The following CEP83 variants were observed in gnomAD, a reference collection of about 807,000 sequenced individuals.
CEP83 encodes centrosomal protein of 83 kDa.
A neutral mutation model predicts 101.9 loss-of-function variants in CEP83; 70 were observed. That is an observed-to-expected ratio of 0.69 (90% CI 0.57 to 0.84). CEP83 has a LOEUF of 0.84. Among genes scored for constraint, CEP83 ranks in the 40% least tolerant of loss-of-function variants. CEP83 has a pLI of 0.00. For missense variants in CEP83, 715 were observed against 787.2 expected, an observed-to-expected ratio of 0.91 and a Z score of 1.10; for synonymous variants, 264 against 267.9, an observed-to-expected ratio of 0.99 and a Z score of 0.14.
chr12:94,405,573 C>CA, intron 4 of CEP83, among the ~76,000 whole-genome samples: 1 of 152,154 alleles, frequency 6.6e-6, no homozygotes, highest in East Asian at 1.9e-4. Flanking sequence ...AAAAGCCTTC[C>CA]ACTTTCAGCC....
At chr12:94,454,187 A>C (rs998620885) in intron 1 of CEP83, among the ~76,000 whole-genome samples, 3 of 152,184 alleles carry the variant, frequency 2.0e-5, no homozygotes, top group African/African-American at 7.2e-5. Flanking sequence ...AAAATGTTAT[A>C]AAGAACCATT....
chr12:94,316,140 T>C (rs910479179), intron 14 of CEP83, among the ~76,000 whole-genome samples: 6 of 152,160 alleles, frequency 3.9e-5, no homozygotes, highest in African/African-American at 1.2e-4. Context: ...CATGGTACAG[T>C]TTTCCCTTTA....
chr12:94,284,555 G>A, the CEP83 span, among the ~76,000 whole-genome samples: 12 of 152,024 alleles, frequency 7.9e-5, no homozygotes, highest in Non-Finnish European at 1.6e-4. Flanking sequence ...TTGCAATGGC[G>A]ATTTCAGTAT....
At chr12:94,289,452 G>C in the CEP83 span, among the ~76,000 whole-genome samples, 307 of 152,314 alleles carry the variant, frequency 2.0e-3, 1 homozygote, top group African/African-American at 6.6e-3. Flanking sequence ...CTGGGCTGGA[G>C]AAACAATCCT....
intron 9 of CEP83, chr12:94,368,886 T>C (rs1051419513): frequency 6.6e-6 from 1 of 152,168 alleles, no homozygotes; most frequent in African/African-American, 2.4e-5. Flanking sequence ...CCAGACACGG[T>C]GTTAGCACCT....
intron 2 of CEP83, among the ~76,000 whole-genome samples, chr12:94,412,966 C>A (rs571969804): frequency 7.2e-5 from 11 of 152,242 alleles, no homozygotes; most frequent in African/African-American, 1.2e-4. Context: ...CATTCTCCTG[C>A]CTCAGCCTCC....
intron 11 of CEP83, among the ~76,000 whole-genome samples, chr12:94,366,971 T>C (rs1338038635): frequency 6.6e-6 from 1 of 151,944 alleles, no homozygotes; most frequent in African/African-American, 2.4e-5. Flanking sequence ...TTATAATCTA[T>C]AGAAAAAATA....
chr12:94,433,947 A>G (rs994477107), intron 2 of CEP83: 12 of 152,228 alleles, frequency 7.9e-5, no homozygotes, highest in African/African-American at 2.9e-4. Flanking sequence ...GACCTTTGGC[A>G]AATGAATCTT....
chr12:94,418,987 T>C (rs920231949), intron 2 of CEP83, among the ~76,000 whole-genome samples: 4 of 152,142 alleles, frequency 2.6e-5, no homozygotes, highest in African/African-American at 9.6e-5. Context: ...AAGTCCATTA[T>C]TGCTACTTTT....
chr12:94,356,232 G>C (rs1005317029), intron 11 of CEP83, among the ~76,000 whole-genome samples: 4 of 152,202 alleles, frequency 2.6e-5, no homozygotes, highest in Non-Finnish European at 4.4e-5. Context: ...CAATGGGATA[G>C]GTATGGGGTC....
chr12:94,345,426 G>A (rs905198836), intron 11 of CEP83, among the ~76,000 whole-genome samples: 4 of 151,858 alleles, frequency 2.6e-5, no homozygotes, highest in African/African-American at 4.8e-5. Context: ...TTTATGGCTC[G>A]GGAGGCAGCT....
At chr12:94,392,181 A>C (rs2062588160) in intron 6 of CEP83, among the ~76,000 whole-genome samples, 2 of 152,216 alleles carry the variant, frequency 1.3e-5, no homozygotes. Flanking sequence ...CATCAACAGA[A>C]CATACATTCT....
chr12:94,294,603 C>T, the CEP83 span: 16 of 724,760 alleles, frequency 2.2e-5, no homozygotes, highest in African/African-American at 2.7e-4. Context: ...TTGCTTTTTG[C>T]CTCTCTCAGC....
At chr12:94,297,149 T>C in the CEP83 span, 1 of 1,611,154 alleles carries the variant, frequency 6.2e-7, no homozygotes, top group East Asian at 2.2e-5. Flanking sequence ...GTTGCTTTTT[T>C]TAATGGACTG....
At chr12:94,414,748 A>T (rs2064144183) in intron 2 of CEP83, among the ~76,000 whole-genome samples, 1 of 152,216 alleles carries the variant, frequency 6.6e-6, no homozygotes, top group African/African-American at 2.4e-5. Context: ...CTTTACAGGA[A>T]GAAAAAATAT....
downstream of CEP83, chr12:94,304,085 G>T: frequency 7.8e-7 from 1 of 1,279,764 alleles, no homozygotes; most frequent in South Asian, 1.2e-5. Context: ...TTTAACCTTT[G>T]AATCAGGCAC....
Position 94,312,972 on chromosome 12 carries a change from C to T in CEP83, c.1753G>A (p.Val585Ile), listed in dbSNP as rs1310114165. ...ENKLKRLQEK[V>I]EVLEAKKEEL... ...TCTTTCTTTGCCTCCAAGACTTCTA[C>T]TTTCTCTTGTAGTCTTTTCAATTTG... is the stretch of plus-strand genomic sequence containing the variant. The change falls in exon 15 of 17, where the codon GTA becomes ATA. Residue 585 changes from valine to isoleucine, a missense_variant. Coordinates refer to ENST00000397809, the MANE Select transcript of CEP83 (RefSeq NM_016122.3). 4.4e-6 allele frequency: 7 copies of T among 1,590,990 alleles called. No individual in the cohort carries two copies. The highest frequency in any genetic ancestry group is 5.2e-6 in the Non-Finnish European group (6 of 1,163,666).
intron 6 of CEP83, among the ~76,000 whole-genome samples, chr12:94,385,773 T>G (rs575574228): frequency 1.3e-5 from 2 of 152,204 alleles, no homozygotes; most frequent in Non-Finnish European, 2.9e-5. Flanking sequence ...GCAGCTAAGA[T>G]ATAGTAATGA....
chr12:94,393,576 T>A (rs1003008198), intron 6 of CEP83, among the ~76,000 whole-genome samples: 12 of 152,218 alleles, frequency 7.9e-5, no homozygotes, highest in Non-Finnish European at 1.5e-4. Context: ...AAGACAAGGA[T>A]GCCCTTTCTC....
Sources: gnomAD v4.1 joint callset for allele counts (sites outside exome capture counted in the v4.1 genomes callset) on GRCh38, gnomAD v4.1.1 for gene constraint, MANE v1.5 for transcripts, NCBI Gene and HGNC (gene_info 2026-07-23, HGNC 2026-07-21) for gene names.